Variants in P4HA3 observed in about 807,000 individuals in gnomAD.
P4HA3 encodes the protein prolyl 4-hydroxylase subunit alpha-3.
A neutral mutation model predicts 66.7 loss-of-function variants in P4HA3; 60 were observed. That is an observed-to-expected ratio of 0.90 (90% CI 0.73 to 1.12). The LOEUF (loss-of-function observed/expected upper bound fraction) is 1.12. P4HA3 is among the 50% of genes most tolerant of loss of function. The pLI, the probability that P4HA3 is intolerant of heterozygous loss-of-function variation, is 0.00. For synonymous variants in P4HA3, 263 were observed against 274.6 expected, an observed-to-expected ratio of 0.96 and a Z score of 0.42; for missense variants, 683 against 685.8, an observed-to-expected ratio of 1.00 and a Z score of 0.05.
intron 5 of P4HA3, among the ~76,000 whole-genome samples, chr11:74,288,492 T>C (rs995024960): frequency 6.6e-6 from 1 of 152,190 alleles, no homozygotes; most frequent in Non-Finnish European, 1.5e-5. Context: ...CTTTTTCCCA[T>C]TGAAGCAACA....
chr11:74,270,880 G>GA (rs1226234436), intron 10 of P4HA3, among the ~76,000 whole-genome samples: 1 of 151,940 alleles, frequency 6.6e-6, no homozygotes, highest in Non-Finnish European at 1.5e-5. Flanking sequence ...ACAACTTAAT[G>GA]AAAAAAAATC....
At chr11:74,298,492 A>G (rs1336134954) in intron 3 of P4HA3, 131 bp from the exon 4 acceptor site, 2 of 1,118,866 alleles carry the variant, frequency 1.8e-6, no homozygotes, top group Non-Finnish European at 2.5e-6. Context: ...TTTTAATTCA[A>G]TTTATTAAGC....
intron 5 of P4HA3, among the ~76,000 whole-genome samples, chr11:74,287,589 A>AT (rs1216173679): frequency 3.3e-5 from 5 of 152,220 alleles, no homozygotes; most frequent in African/African-American, 1.2e-4. Flanking sequence ...CTACTTCCTT[A>AT]TCCTATTGTT....
At chr11:74,297,649 G>A (rs2134805115) in intron 4 of P4HA3, among the ~76,000 whole-genome samples, 1 of 152,316 alleles carries the variant, frequency 6.6e-6, no homozygotes, top group East Asian at 1.9e-4. Flanking sequence ...GATCAACAGT[G>A]CCAAGGAAAA....
chr11:74,285,981 G>C lies in P4HA3; in HGVS notation c.938C>G (p.Thr313Ser). Residue 313 changes from threonine (T) to serine (S), a missense_variant, in exon 7 of 13, where the codon ACT (threonine) becomes AGT (serine). Thr to Ser is a moderately conservative substitution (Grantham distance 58). Coordinates refer to ENST00000331597, the MANE Select transcript of P4HA3 (RefSeq NM_182904.5). The stretch of plus-strand genomic sequence containing the variant: ...GTAGAGGCTAGGGATCTGGTAGAGA[G>C]TGGGCTGGAAGGAAAGAATAGGATG... ...GLCQTLGSQP[T>S]LYQIPSLYCS... 6.2e-7 allele frequency: 1 copy of C among 1,605,590 alleles called. No individual in the cohort carries two copies. The highest frequency in any genetic ancestry group is 1.7e-4 in the Middle Eastern group (1 of 6,040).
chr11:74,268,349 G>T, intron 11 of P4HA3, 108 bp from the exon 12 acceptor site: 1 of 912,878 alleles, frequency 1.1e-6, no homozygotes, highest in Non-Finnish European at 1.7e-6. Flanking sequence ...GCCTTTCCAT[G>T]CAGTCTGGGG....
chr11:74,274,426 C>T (rs945612417), intron 9 of P4HA3, among the ~76,000 whole-genome samples: 2 of 151,800 alleles, frequency 1.3e-5, no homozygotes, highest in African/African-American at 4.8e-5. Flanking sequence ...CTGCCTCAGC[C>T]TCCCAAGTAG....
chr11:74,307,503 T>C (rs1182767351), intron 1 of P4HA3, among the ~76,000 whole-genome samples: 1 of 152,176 alleles, frequency 6.6e-6, no homozygotes, highest in Non-Finnish European at 1.5e-5. Context: ...CAATCCAGTG[T>C]TTAGATATGC....
chr11:74,296,468 C>T (rs1861216065), intron 4 of P4HA3, among the ~76,000 whole-genome samples: 2 of 152,078 alleles, frequency 1.3e-5, no homozygotes, highest in Admixed American at 6.5e-5. Flanking sequence ...TGAGGAGGAA[C>T]ACAAACCATC....
chr11:74,287,313 G>T (rs555104539), intron 5 of P4HA3: 1 of 1,289,282 alleles, frequency 7.8e-7, no homozygotes, highest in Non-Finnish European at 1.0e-6. Context: ...GGAAAGGAAG[G>T]GGCAGAAATT....
intron 12 of P4HA3, among the ~76,000 whole-genome samples, chr11:74,267,655 G>C (rs556793936): frequency 6.6e-6 from 1 of 152,282 alleles, no homozygotes; most frequent in South Asian, 2.1e-4. Context: ...AGAGAAAAAC[G>C]GGTGGCATCT....
intron 5 of P4HA3, chr11:74,287,170 T>C (rs1591113495): frequency 7.9e-7 from 1 of 1,265,944 alleles, no homozygotes; most frequent in Non-Finnish European, 1.0e-6. Flanking sequence ...GAGCTACCCG[T>C]GGCCTGCTGG....
intron 15 of P4HA3, chr11:74,253,924 C>T: frequency 3.8e-6 from 1 of 263,450 alleles, no homozygotes; most frequent in Non-Finnish European, 7.2e-6. Flanking sequence ...AGCCCTGCCT[C>T]ATGGGATGGA....
Position 74,277,016 on chromosome 11 carries a change from C to T in P4HA3, c.1304G>A (p.Gly435Glu), listed in dbSNP as rs1297091897. The T allele has an allele frequency of 6.2e-7, 1 of 1,613,896 alleles. No individual in the cohort carries two copies. Among genetic ancestry groups the T allele is most frequent in the African/African-American group, 1.3e-5 (1 of 74,904 alleles). ...YLQVVNYGIG[G>E]HYEPHFDHAT... ...ATGGTCAAAGTGAGGCTCATAGTGTCCTCCGATGCCATAGTTCACCACCTG... is the reference window on the plus strand; with the variant it reads ...ATGGTCAAAGTGAGGCTCATAGTGTTCTCCGATGCCATAGTTCACCACCTG... The change falls in exon 9 of 13, where the codon GGA (glycine) becomes GAA (glutamate). Residue 435 changes from glycine (G) to glutamate (E), a missense_variant. Coordinates refer to ENST00000331597, the MANE Select transcript of P4HA3 (RefSeq NM_182904.5).
intron 11 of P4HA3, among the ~76,000 whole-genome samples, chr11:74,269,428 C>T (rs1390974051): frequency 2.0e-5 from 3 of 152,194 alleles, no homozygotes; most frequent in African/African-American, 7.2e-5. Context: ...TAATCATCTA[C>T]TTGCAATATA....
chr11:74,283,323 A>G (rs1860673771), intron 7 of P4HA3, among the ~76,000 whole-genome samples: 1 of 151,942 alleles, frequency 6.6e-6, no homozygotes, highest in East Asian at 1.9e-4. Flanking sequence ...GCTGCTGGCC[A>G]AAAGCTACTA....
intron 7 of P4HA3, among the ~76,000 whole-genome samples, chr11:74,282,835 A>T (rs1393095048): frequency 6.6e-6 from 1 of 152,212 alleles, no homozygotes; most frequent in Non-Finnish European, 1.5e-5. Context: ...ACAACCAGTG[A>T]GAAAAAGCTT....
At position 74,302,512 on chromosome 11, in the gene P4HA3, G is replaced by A. The variant is rs576514835; in HGVS notation, c.424C>T (p.Arg142Trp). The A allele has an allele frequency of 5.6e-6, 9 of 1,614,158 alleles. No individual in the cohort carries two copies. The highest frequency in any genetic ancestry group is 2.2e-5 in the East Asian group (1 of 44,886). ...DLEGAARALM[R>W]LQDVYMLNVK... Reference sequence around the variant, plus strand: ...TTGAGCATGTACACGTCCTGCAGCCGCATCAGGGCCCTTGCTGCTCCCTCA... The same window carrying A: ...TTGAGCATGTACACGTCCTGCAGCCACATCAGGGCCCTTGCTGCTCCCTCA... Residue 142 changes from arginine (R) to tryptophan (W), a missense_variant, in exon 3 of 13, where the codon CGG (arginine) becomes TGG (tryptophan). Arg to Trp is a moderately radical substitution (Grantham distance 101). Coordinates refer to ENST00000331597, the MANE Select transcript of P4HA3 (RefSeq NM_182904.5).
At chr11:74,253,551 TA>T in intron 15 of P4HA3, 1 of 1,577,910 alleles carries the variant, frequency 6.3e-7, no homozygotes, top group Non-Finnish European at 8.7e-7. Context: ...AGCTCTGTTG[TA>T]AATACGTCGC....
Sources: allele counts gnomAD v4.1 joint callset (sites outside exome capture counted in the v4.1 genomes callset), GRCh38; gene constraint gnomAD v4.1.1; transcripts MANE v1.5; gene names NCBI Gene and HGNC (gene_info 2026-07-23, HGNC 2026-07-21).